ASPH: variants seen among roughly 807,000 people sequenced by gnomAD.
The protein encoded by ASPH is aspartate beta-hydroxylase.
Under a neutral mutation model 118.4 loss-of-function variants are expected in ASPH, and 100 were observed. The ratio of observed to expected loss-of-function variants is 0.84; its 90% CI spans 0.72 to 1.00. The LOEUF is 1.00. Ranked by LOEUF, ASPH falls within the 50% of genes least tolerant of loss-of-function variation. The probability of loss-of-function intolerance (pLI) is 0.00; values close to 1 mark genes in which losing one functional copy is unlikely to be tolerated. For synonymous variants in ASPH, 315 were observed against 325.6 expected (o/e 0.97, Z 0.35); for missense variants, 920 against 919.5 (o/e 1.00, Z -0.01).
chr8:61,619,064 A>G (rs752358629), intron 13 of ASPH, 45 bp from the exon 14 acceptor site: 2 of 1,366,220 alleles, frequency 1.5e-6, no homozygotes. Context: ...GCAAGTCACC[A>G]TTCAGTATCT....
At chr8:61,562,389 C>CTCTCTGTGTGTG (rs71257370) in intron 18 of ASPH, among the ~76,000 whole-genome samples, 10 of 128,988 alleles carry the variant, frequency 7.8e-5, no homozygotes, top group Admixed American at 2.4e-4. Flanking sequence ...GAAAGTGTGT[C>CTCTCTGTGTGTG]TGTGTGTGTG....
At chr8:61,624,829 AAAATG>A (rs1185339834) in intron 13 of ASPH, 3 of 985,554 alleles carry the variant, frequency 3.0e-6, no homozygotes, top group Admixed American at 6.1e-5. Context: ...TATAATTCAC[AAAATG>A]AAGAGTTTTA....
At chr8:61,531,575 T>C (rs955885995) in intron 21 of ASPH, among the ~76,000 whole-genome samples, 34 of 152,032 alleles carry the variant, frequency 2.2e-4, no homozygotes, top group Non-Finnish European at 4.1e-4. Flanking sequence ...ATTTTAAAAA[T>C]GTATAGTTGA....
chr8:61,591,196 G>A (rs1471090054), intron 14 of ASPH, among the ~76,000 whole-genome samples: 1 of 152,178 alleles, frequency 6.6e-6, no homozygotes, highest in Non-Finnish European at 1.5e-5. Flanking sequence ...ATGAATGCAT[G>A]CAGGCATGAA....
chr8:61,619,430 G>A (rs1490156365), intron 13 of ASPH, among the ~76,000 whole-genome samples: 1 of 152,150 alleles, frequency 6.6e-6, no homozygotes, highest in Non-Finnish European at 1.5e-5. Flanking sequence ...TTGACATCAT[G>A]TGCTTTAAAG....
intron 2 of ASPH, chr8:61,682,358 A>T: frequency 7.1e-7 from 1 of 1,406,708 alleles, no homozygotes; most frequent in Non-Finnish European, 9.9e-7. Context: ...TCTGATGTAG[A>T]TAATAATTAA....
chr8:61,571,368 C>T (rs944479288), intron 16 of ASPH, among the ~76,000 whole-genome samples: 1 of 152,074 alleles, frequency 6.6e-6, no homozygotes, highest in Non-Finnish European at 1.5e-5. Context: ...CCATCACTGC[C>T]GCACTGCAAT....
chr8:61,632,683 T>G, intron 13 of ASPH: 1 of 495,082 alleles, frequency 2.0e-6, no homozygotes, highest in South Asian at 1.5e-5. Flanking sequence ...AGATAATTAT[T>G]ATTAATGTAC....
chr8:61,657,058 G>C (rs1327470116), intron 3 of ASPH: 1 of 152,132 alleles, frequency 6.6e-6, no homozygotes, highest in African/African-American at 2.4e-5. Flanking sequence ...TAAAAAATAA[G>C]AAACATGAAC....
chr8:61,674,137 G>A (rs1349611479), intron 3 of ASPH, among the ~76,000 whole-genome samples: 3 of 152,164 alleles, frequency 2.0e-5, no homozygotes, highest in Non-Finnish European at 4.4e-5. Context: ...TCTAGTGTTA[G>A]TAGTAACAAC....
At chr8:61,584,277 A>G (rs113086388) in intron 14 of ASPH, among the ~76,000 whole-genome samples, 2 of 152,220 alleles carry the variant, frequency 1.3e-5, no homozygotes, top group African/African-American at 4.8e-5. Context: ...GGTGGATAGT[A>G]TACTGAAACT....
At chr8:61,509,975 C>T (rs965164353) in intron 24 of ASPH, among the ~76,000 whole-genome samples, 3 of 152,106 alleles carry the variant, frequency 2.0e-5, no homozygotes, top group African/African-American at 7.2e-5. Flanking sequence ...CTTCCCCCAT[C>T]GCTGTCAAAG....
chr8:61,597,775 T>C (rs1842875266), intron 14 of ASPH, among the ~76,000 whole-genome samples: 1 of 152,130 alleles, frequency 6.6e-6, no homozygotes, highest in Non-Finnish European at 1.5e-5. Flanking sequence ...AGATACCAGA[T>C]CCAGCAAAGC....
At chr8:61,568,738 G>A (rs1832589403) in intron 16 of ASPH, among the ~76,000 whole-genome samples, 5 of 152,136 alleles carry the variant, frequency 3.3e-5, no homozygotes, top group Admixed American at 2.6e-4. Flanking sequence ...GAACTCCAAT[G>A]TTTAAAGGTC....
intron 15 of ASPH, among the ~76,000 whole-genome samples, chr8:61,577,757 C>A (rs1835843469): frequency 6.6e-6 from 1 of 152,154 alleles, no homozygotes; most frequent in Non-Finnish European, 1.5e-5. Flanking sequence ...TGAGAACTTA[C>A]TATCATGAGA....
chr8:61,666,329 C>T (rs757493222), intron 3 of ASPH, among the ~76,000 whole-genome samples: 2 of 152,132 alleles, frequency 1.3e-5, no homozygotes, highest in Non-Finnish European at 2.9e-5. Flanking sequence ...ACAGCTAATT[C>T]CAAATCTCAT....
chr8:61,532,034 A>G (rs1174281266), intron 21 of ASPH, among the ~76,000 whole-genome samples: 1 of 152,174 alleles, frequency 6.6e-6, no homozygotes. Context: ...TACTGACTTC[A>G]TTTCCATTAG....
At chr8:61,547,117 A>G (rs1004710902) in intron 21 of ASPH, among the ~76,000 whole-genome samples, 10 of 152,338 alleles carry the variant, frequency 6.6e-5, no homozygotes, top group African/African-American at 2.2e-4. Flanking sequence ...TGAGTTAATT[A>G]ACTGTGAGTC....
At chr8:61,698,780 A>G (rs1834546033) in intron 1 of ASPH, among the ~76,000 whole-genome samples, 1 of 152,246 alleles carries the variant, frequency 6.6e-6, no homozygotes, top group Admixed American at 6.5e-5. Flanking sequence ...TAGGAGATGT[A>G]TGTCAGGAAA....
Sources: allele counts gnomAD v4.1 joint callset (sites outside exome capture counted in the v4.1 genomes callset), GRCh38; gene constraint gnomAD v4.1.1; transcripts MANE v1.5; gene names NCBI Gene and HGNC (gene_info 2026-07-23, HGNC 2026-07-21).